ROBO2: variants seen among roughly 807,000 people sequenced by gnomAD.
ROBO2 encodes roundabout guidance receptor 2, also known as roundabout homolog 2.
Under a neutral mutation model 160.8 loss-of-function variants are expected in ROBO2, and 53 were observed. That is an observed-to-expected ratio of 0.33 (90% CI 0.26 to 0.41). The LOEUF (loss-of-function observed/expected upper bound fraction) is 0.41, where lower values mean the gene tolerates loss of function less well. Ranked by LOEUF, ROBO2 falls within the 10% of genes least tolerant of loss-of-function variation. The pLI, the probability that ROBO2 is intolerant of heterozygous loss-of-function variation, is 1.00. For synonymous variants in ROBO2, 664 were observed against 611.7 expected, an observed-to-expected ratio of 1.09 and a Z score of -1.26; for missense variants, 1,577 against 1,722.4, an observed-to-expected ratio of 0.92 and a Z score of 1.49.
rs944475638 is a variant in ROBO2 at position 77,335,708 on chromosome 3, T to C, written c.389-141706T>C. Among the ~76,000 whole-genome samples the C allele has an allele frequency of 5.3e-5, 8 of 152,166 alleles. No individual in the cohort carries two copies. The East Asian group carries it at 1.5e-3, about 29-fold the overall frequency. On this transcript the variant is annotated intron_variant, in intron 2 of 25. Coordinates refer to ENST00000461745, the Ensembl canonical transcript of ROBO2. Reference sequence around the variant, plus strand: ...TCCAAGTGTTAGGTTATTCTCTGATTCGGAGTAGCCATCAAGAAAAAGGAA... The same window carrying C: ...TCCAAGTGTTAGGTTATTCTCTGATCCGGAGTAGCCATCAAGAAAAAGGAA...
intron 2 of ROBO2, among the ~76,000 whole-genome samples, chr3:76,174,314 G>A (rs1413796928): frequency 1.3e-5 from 2 of 152,098 alleles, no homozygotes; most frequent in Non-Finnish European, 2.9e-5. Context: ...TCTGTAGGTT[G>A]CCTGTTCACT....
chr3:76,934,177 A>G (rs1372899237), intron 2 of ROBO2, among the ~76,000 whole-genome samples: 2 of 150,782 alleles, frequency 1.3e-5, no homozygotes, highest in Non-Finnish European at 2.9e-5. Context: ...ATATTCCTGG[A>G]AGTGACTTGT....
intron 2 of ROBO2, among the ~76,000 whole-genome samples, chr3:75,985,897 A>G (rs1441442850): frequency 6.6e-6 from 1 of 151,646 alleles, no homozygotes; most frequent in South Asian, 2.1e-4. Flanking sequence ...TTAAGGCTGA[A>G]TAATATTCTT....
intron 2 of ROBO2, among the ~76,000 whole-genome samples, chr3:76,872,493 G>C (rs567851289): frequency 5.3e-5 from 8 of 151,868 alleles, no homozygotes; most frequent in Admixed American, 1.3e-4. Context: ...ATTAGAAAGA[G>C]ATACATAAAG....
rs137938942 is a variant in ROBO2, at chr3:77,621,346, C to T, written c.3555-881C>T. Among the ~76,000 whole-genome samples, 16 of 152,092 alleles carry T rather than the reference C, an allele frequency of 1.1e-4. No homozygotes were observed. In the East Asian group the frequency reaches 1.7e-3, roughly 17 times the overall value. On this transcript the variant is annotated intron_variant, in intron 22 of 25. Transcript: ENST00000461745. The stretch of plus-strand genomic sequence containing the variant: ...GAGACCAAGGCAGGAGGATCGCTTA[C>T]GCCTGGGAAGTCAGGGCTGTAGTGA...
chr3:76,762,181 C>T (rs1380818859), intron 2 of ROBO2, among the ~76,000 whole-genome samples: 1 of 151,396 alleles, frequency 6.6e-6, no homozygotes, highest in Admixed American at 6.6e-5. Flanking sequence ...AAAGATGGAA[C>T]AGAAATTCTA....
intron 2 of ROBO2, among the ~76,000 whole-genome samples, chr3:76,803,526 AAAAAG>A (rs1381193930): frequency 6.6e-6 from 1 of 151,822 alleles, no homozygotes; most frequent in Non-Finnish European, 1.5e-5. Flanking sequence ...GGAGGCGAGA[AAAAAG>A]AAAGGAAAGT....
At chr3:76,134,385 T>A (rs949273187) in intron 2 of ROBO2, among the ~76,000 whole-genome samples, 4 of 152,012 alleles carry the variant, frequency 2.6e-5, no homozygotes, top group African/African-American at 9.7e-5. Context: ...ATCTTGAGAG[T>A]AAGTGGACTT....
In ROBO2 at chr3:76,293,260, G is replaced by A. The variant is rs376157282; in HGVS notation, c.109+355658G>A. Among the ~76,000 whole-genome samples the A allele has an allele frequency of 4.1e-4, 63 of 152,264 alleles. No individual in the cohort carries two copies. The South Asian group carries it at 0.012, about 30-fold the overall frequency. On this transcript the variant is annotated intron_variant, in intron 2 of 26. Coordinates refer to the ROBO2 transcript ENST00000487694. Reference sequence around the variant, plus strand: ...TGTTATTTTGGGAATTAGAAAGAATGCCCTTCTAAAGGGCAAAATAAATGT... The same window carrying A: ...TGTTATTTTGGGAATTAGAAAGAATACCCTTCTAAAGGGCAAAATAAATGT...
At chr3:76,565,459 T>C (rs1414017945) in intron 2 of ROBO2, among the ~76,000 whole-genome samples, 1 of 152,186 alleles carries the variant, frequency 6.6e-6, no homozygotes, top group East Asian at 1.9e-4. Context: ...GTTCTTGGAT[T>C]CCAGTTTTAT....
At chr3:76,667,902 T>A (rs1264329380) in intron 2 of ROBO2, among the ~76,000 whole-genome samples, 1 of 152,114 alleles carries the variant, frequency 6.6e-6, no homozygotes, top group Admixed American at 6.5e-5. Flanking sequence ...CACTACTGAA[T>A]AAAGCACAGT....
At chr3:77,062,218 A>G (rs546282682) in intron 1 of ROBO2, among the ~76,000 whole-genome samples, 106 of 152,286 alleles carry the variant, frequency 7.0e-4, no homozygotes, top group Non-Finnish European at 9.3e-4. Flanking sequence ...CTAGAAAAGC[A>G]CAGGTTCCAA....
intron 2 of ROBO2, among the ~76,000 whole-genome samples, chr3:76,206,031 G>A (rs891707857): frequency 6.6e-6 from 1 of 152,100 alleles, no homozygotes; most frequent in Non-Finnish European, 1.5e-5. Flanking sequence ...AGAGAGAGGT[G>A]GCTGTCCCTC....
chr3:77,164,924 C>G (rs1483918715), intron 2 of ROBO2, among the ~76,000 whole-genome samples: 1 of 113,496 alleles, frequency 8.8e-6, no homozygotes, highest in Non-Finnish European at 2.1e-5. Context: ...CCGCCCCGTC[C>G]GGGAGGGAGG....
At chr3:77,077,481 T>C (rs2068133996) in intron 1 of ROBO2, among the ~76,000 whole-genome samples, 1 of 152,212 alleles carries the variant, frequency 6.6e-6, no homozygotes, top group Non-Finnish European at 1.5e-5. Flanking sequence ...TGAGTTATTG[T>C]ATACAAGTGA....
intron 2 of ROBO2, among the ~76,000 whole-genome samples, chr3:76,589,439 T>G (rs944840592): frequency 2.0e-5 from 3 of 152,148 alleles, no homozygotes; most frequent in African/African-American, 7.2e-5. Context: ...TAGCTGGGAC[T>G]ACAGGCGCCG....
At chr3:76,547,521 C>T (rs2108308758) in intron 2 of ROBO2, among the ~76,000 whole-genome samples, 1 of 152,060 alleles carries the variant, frequency 6.6e-6, no homozygotes, top group East Asian at 1.9e-4. Context: ...AAGCATTAAA[C>T]TCATACTGAA....
In ROBO2 at chr3:76,653,955, TTGAC is replaced by T. The variant is rs200175278; in HGVS notation, c.110-444057_110-444054del. ...GACATTTTTCACTCACCATAAATCT[TTGAC>T]TTTTAGAGGCAAGGCTTCCAAACTG... On this transcript the variant is annotated intron_variant, in intron 2 of 26. Coordinates refer to the ROBO2 transcript ENST00000487694. Among the ~76,000 whole-genome samples the T allele has an allele frequency of 1.8e-4, 28 of 152,246 alleles. No individual in the cohort carries two copies. In the East Asian group the frequency reaches 2.5e-3, roughly 14 times the overall value.
At chr3:77,152,022 G>A (rs748059234) in intron 2 of ROBO2, among the ~76,000 whole-genome samples, 3 of 152,078 alleles carry the variant, frequency 2.0e-5, no homozygotes, top group Non-Finnish European at 4.4e-5. Flanking sequence ...TTGAAAACAT[G>A]CATTTTTAAC....
Sources: gnomAD v4.1 joint callset for allele counts (sites outside exome capture counted in the v4.1 genomes callset) on GRCh38, gnomAD v4.1.1 for gene constraint, MANE v1.5 for transcripts, NCBI Gene and HGNC (gene_info 2026-07-23, HGNC 2026-07-21) for gene names.